BRINP2: variants seen among roughly 807,000 people sequenced by gnomAD.
The protein encoded by BRINP2 is BMP/retinoic acid-inducible neural-specific protein 2.
Under a neutral mutation model 69.2 loss-of-function variants are expected in BRINP2, and 21 were observed. That is an observed-to-expected ratio of 0.30 (90% CI 0.22 to 0.44). The LOEUF is 0.44. Ranked by LOEUF, BRINP2 falls within the 20% of genes least tolerant of loss-of-function variation. BRINP2 has a pLI of 1.00. For synonymous variants in BRINP2, 380 were observed against 394.1 expected, an observed-to-expected ratio of 0.96 and a Z score of 0.42; for missense variants, 877 against 986.0, an observed-to-expected ratio of 0.89 and a Z score of 1.48.
intron 2 of BRINP2, among the ~76,000 whole-genome samples, chr1:177,248,495 G>T (rs554548973): frequency 2.0e-5 from 3 of 149,684 alleles, no homozygotes; most frequent in Non-Finnish European, 4.5e-5. Context: ...GTGTGCGTGC[G>T]TGTGTGTGTG....
intron 2 of BRINP2, among the ~76,000 whole-genome samples, chr1:177,234,388 C>G (rs1463892239): frequency 6.6e-6 from 1 of 152,216 alleles, no homozygotes; most frequent in African/African-American, 2.4e-5. Context: ...ATAACACGCA[C>G]CTACTCAGGC....
chr1:177,220,267 T>C (rs896707629), intron 1 of BRINP2, among the ~76,000 whole-genome samples: 1 of 152,160 alleles, frequency 6.6e-6, no homozygotes, highest in Non-Finnish European at 1.5e-5. Context: ...TGGATATTTG[T>C]TCCCACCCAA....
At chr1:177,230,323 A>G (rs1000703491) in intron 2 of BRINP2, among the ~76,000 whole-genome samples, 178 bp downstream of exon 2, 2 of 152,192 alleles carry the variant, frequency 1.3e-5, no homozygotes, top group African/African-American at 2.4e-5. Flanking sequence ...TTTTTAAAAA[A>G]AGAAAGAAGA....
intron 1 of BRINP2, among the ~76,000 whole-genome samples, chr1:177,221,146 T>C (rs1003247074): frequency 6.6e-6 from 1 of 152,184 alleles, no homozygotes; most frequent in Non-Finnish European, 1.5e-5. Flanking sequence ...TATTAAGGAC[T>C]CCCCTTGGGA....
intron 1 of BRINP2, among the ~76,000 whole-genome samples, chr1:177,218,854 G>A (rs1420699274): frequency 1.3e-5 from 2 of 152,164 alleles, no homozygotes; most frequent in Non-Finnish European, 2.9e-5. Context: ...AGGTGTTTTT[G>A]ACTGGATAGT....
intron 1 of BRINP2, among the ~76,000 whole-genome samples, chr1:177,172,262 G>A (rs1223418764): frequency 6.6e-6 from 1 of 152,184 alleles, no homozygotes; most frequent in Admixed American, 6.5e-5. Context: ...AACCCTGTAG[G>A]TTGCAAATAG....
At chr1:177,266,709 G>C (rs1322641754) in intron 4 of BRINP2, among the ~76,000 whole-genome samples, 2 of 142,200 alleles carry the variant, frequency 1.4e-5, no homozygotes, top group East Asian at 4.1e-4. Flanking sequence ...GCAGTGAGTC[G>C]AGATCACGCC....
At chr1:177,232,437 C>G (rs1292330829) in intron 2 of BRINP2, among the ~76,000 whole-genome samples, 1 of 152,168 alleles carries the variant, frequency 6.6e-6, no homozygotes, top group African/African-American at 2.4e-5. Context: ...TGAACCTGTA[C>G]TTGAGGAAAC....
At chr1:177,238,140 G>C (rs1650086363) in intron 2 of BRINP2, among the ~76,000 whole-genome samples, 1 of 152,196 alleles carries the variant, frequency 6.6e-6, no homozygotes, top group Admixed American at 6.5e-5. Flanking sequence ...CAGAGCCCAG[G>C]CCTCAGAGAG....
intron 2 of BRINP2, among the ~76,000 whole-genome samples, chr1:177,246,928 A>G (rs1650406119): frequency 1.3e-5 from 2 of 152,230 alleles, no homozygotes; most frequent in African/African-American, 4.8e-5. Context: ...CTGCCTCTGT[A>G]TTGGAGCCAA....
At chr1:177,278,362 C>T (rs536891667) in intron 6 of BRINP2, among the ~76,000 whole-genome samples, 53 of 148,754 alleles carry the variant, frequency 3.6e-4, no homozygotes, top group South Asian at 1.0e-3. Flanking sequence ...AGAAAGTTCC[C>T]GAGGCCATAT....
At chr1:177,185,708 C>T (rs1157461244) in intron 1 of BRINP2, among the ~76,000 whole-genome samples, 1 of 152,206 alleles carries the variant, frequency 6.6e-6, no homozygotes, top group Non-Finnish European at 1.5e-5. Flanking sequence ...GAAACTGAGA[C>T]ACTGAAAGGC....
At chr1:177,190,261 G>T (rs142621125) in intron 1 of BRINP2, among the ~76,000 whole-genome samples, 7 of 152,270 alleles carry the variant, frequency 4.6e-5, no homozygotes, top group African/African-American at 1.4e-4. Flanking sequence ...TGCTCCTCTT[G>T]TTTCTGAACC....
intron 2 of BRINP2, among the ~76,000 whole-genome samples, chr1:177,238,313 G>A (rs1219087975): frequency 6.6e-6 from 1 of 152,386 alleles, no homozygotes; most frequent in South Asian, 2.1e-4. Flanking sequence ...CTGAAGATAA[G>A]TTGGGCTGCA....
At position 177,280,782 on chromosome 1, in the gene BRINP2, A is replaced by T. The variant is rs1480538131; in HGVS notation, c.1606A>T (p.Met536Leu). The change falls in exon 8 of 8, where the codon ATG becomes TTG. Residue 536 changes from methionine (M) to leucine (L), a missense_variant. By Grantham distance (15) the Met-to-Leu change is conservative. Transcript: ENST00000361539. Reference sequence around the variant, plus strand: ...ACACTCCATCTTCATCAGCAATGACATGCGGCTGGGCAGCTGGTTTGACCC... The same window carrying T: ...ACACTCCATCTTCATCAGCAATGACTTGCGGCTGGGCAGCTGGTTTGACCC... ...EVHSIFISND[M>L]RLGSWFDPSW... is the part of the protein sequence containing the mutation. The T allele has an allele frequency of 6.2e-7, 1 of 1,614,186 alleles. No homozygotes were observed. The highest frequency in any genetic ancestry group is 1.7e-5 in the Admixed American group (1 of 60,020).
At chr1:177,190,896 T>A (rs1231922538) in intron 1 of BRINP2, among the ~76,000 whole-genome samples, 1 of 152,206 alleles carries the variant, frequency 6.6e-6, no homozygotes. Flanking sequence ...TGGTGAGGAC[T>A]AATAATACAA....
Position 177,257,161 on chromosome 1 carries a change from T to G in BRINP2, c.461-15T>G. 6.2e-7 allele frequency: 1 copy of G among 1,613,580 alleles called. No homozygotes were observed. Among genetic ancestry groups the G allele is most frequent in the South Asian group, 1.1e-5 (1 of 90,996 alleles). On this transcript the variant is annotated splice_polypyrimidine_tract_variant and intron_variant, in intron 3 of 7. Coordinates refer to ENST00000361539, the MANE Select transcript of BRINP2 (RefSeq NM_021165.4). ...GCAGAGAGCGTCACCAATACACTCG[T>G]GTTGTTCACCATAGGAGAAGAGTCC...
chr1:177,228,801 C>T (rs888673991), intron 1 of BRINP2, among the ~76,000 whole-genome samples: 12 of 152,158 alleles, frequency 7.9e-5, no homozygotes, highest in African/African-American at 2.7e-4. Flanking sequence ...AAAGGTGACT[C>T]GCTGTTCTCA....
chr1:177,263,983 T>C (rs779734959), intron 4 of BRINP2, among the ~76,000 whole-genome samples: 1 of 152,224 alleles, frequency 6.6e-6, no homozygotes, highest in Non-Finnish European at 1.5e-5. Flanking sequence ...GTTATAATTA[T>C]GGCCATGAGT....
Sources: gnomAD v4.1 joint callset for allele counts (sites outside exome capture counted in the v4.1 genomes callset) on GRCh38, gnomAD v4.1.1 for gene constraint, MANE v1.5 for transcripts, NCBI Gene and HGNC (gene_info 2026-07-23, HGNC 2026-07-21) for gene names.